The following TLN1 variants were observed in gnomAD, a reference collection of about 807,000 sequenced individuals.
TLN1 encodes talin-1.
Under a neutral mutation model 292.3 loss-of-function variants are expected in TLN1, and 56 were observed. The ratio of observed to expected loss-of-function variants is 0.19; its 90% confidence interval spans 0.15 to 0.24. The LOEUF is 0.24. Ranked by LOEUF, TLN1 falls within the 10% of genes least tolerant of loss-of-function variation. The pLI is 1.00. For missense variants in TLN1, 2,433 were observed against 3,248.2 expected (o/e 0.75, Z 6.10); for synonymous variants, 1,119 against 1,253.7 (o/e 0.89, Z 2.27).
chr9:35,705,689 G>A lies in TLN1; in HGVS notation c.5614-19C>T. ...TGGTAACCTGGTGATAATGGAACGAGTGAAGTTATATCCAAAGTCAGCTCT... is the reference window on the plus strand; with the variant it reads ...TGGTAACCTGGTGATAATGGAACGAATGAAGTTATATCCAAAGTCAGCTCT... On this transcript the variant is annotated intron_variant, in intron 42 of 56. Coordinates refer to ENST00000314888, the MANE Select transcript of TLN1 (RefSeq NM_006289.4). 6.2e-7 allele frequency: 1 copy of A among 1,613,420 alleles called. No homozygotes were observed. Among genetic ancestry groups the A allele is most frequent in the Non-Finnish European group, 8.5e-7 (1 of 1,179,324 alleles).
Position 35,716,563 on chromosome 9 carries a change from G to A in TLN1, c.2459-7C>T. On this transcript the variant is annotated splice_region_variant and splice_polypyrimidine_tract_variant and intron_variant, in intron 19 of 56. Transcript: ENST00000314888. ...GCCTGTCGCACCATCTCCCCTGAGA[G>A]CATAGGGCACAGTCAGGCGAGGAAG... The A allele has an allele frequency of 6.2e-7, 1 of 1,613,168 alleles. No individual in the cohort carries two copies. Among genetic ancestry groups the A allele is most frequent in the Admixed American group, 1.7e-5 (1 of 59,996 alleles).
intron 1 of TLN1, among the ~76,000 whole-genome samples, chr9:35,730,678 G>C (rs991919746): frequency 6.6e-6 from 1 of 152,078 alleles, no homozygotes; most frequent in African/African-American, 2.4e-5. Flanking sequence ...GATGGGAACG[G>C]ATGATAAGAT....
chr9:35,705,073 A>G (rs1441840993), intron 43 of TLN1, among the ~76,000 whole-genome samples: 1 of 152,132 alleles, frequency 6.6e-6, no homozygotes, highest in African/African-American at 2.4e-5. Context: ...GAAGGGGAGG[A>G]GCACTTTATG....
chr9:35,699,200 G>A lies in TLN1; in HGVS notation c.6875-44C>T, dbSNP rs1446482606. The stretch of plus-strand genomic sequence containing the variant: ...AGGAAAGAGGCTAAGGCAGAGTGGG[G>A]AGGTCAAAAGCACCAGGGAGCATGG... On this transcript the variant is annotated intron_variant, in intron 51 of 56. Transcript: ENST00000314888. The surrounding 1 kb of genome is among the most constrained non-coding windows in gnomAD (Gnocchi z 4.0). 1.3e-6 allele frequency: 2 copies of A among 1,584,090 alleles called. No homozygotes were observed. Among genetic ancestry groups the A allele is most frequent in the South Asian group, 2.3e-5 (2 of 88,560 alleles).
At position 35,697,641 on chromosome 9, in the gene TLN1, T is replaced by G; in HGVS notation, c.*150A>C. 8.5e-7 allele frequency: 1 copy of G among 1,178,254 alleles called. No homozygotes were observed. Among genetic ancestry groups the G allele is most frequent in the Non-Finnish European group, 1.2e-6 (1 of 844,528 alleles). 73.0% of individuals were successfully genotyped at this position (1,178,254 alleles called of 1,614,324 possible). On this transcript the variant is annotated 3_prime_UTR_variant, in exon 57 of 57. Transcript: ENST00000314888. ...GTTGGGGAGGGGACAGGGGATGTAC[T>G]GCGGGACTGGGCGGGGCCAGGCCCT...
At chr9:35,705,118 A>ATG (rs1825542486) in intron 43 of TLN1, among the ~76,000 whole-genome samples, 1 of 152,168 alleles carries the variant, frequency 6.6e-6, no homozygotes, top group African/African-American at 2.4e-5. Context: ...GTGGATTACC[A>ATG]TGTGGCCTGT....
chr9:35,726,324 G>T (rs946483499), intron 1 of TLN1, among the ~76,000 whole-genome samples: 6 of 152,170 alleles, frequency 3.9e-5, no homozygotes, highest in Non-Finnish European at 5.9e-5. Flanking sequence ...ACTGGAATTT[G>T]TACCTCCCTA....
At position 35,720,830 on chromosome 9, in the gene TLN1, G is replaced by C. The variant is rs150744632; in HGVS notation, c.1188C>G (p.Ile396Met). ...TGCTCACCTTCTTCAGGATGATATC[G>C]ATGTAGCCGGCAATGAGCTGTGCAA... is the stretch of plus-strand genomic sequence containing the variant. ...EQIAQLIAGYIDIILKKKKSK... is the reference protein window; with the variant it reads ...EQIAQLIAGYMDIILKKKKSK... Residue 396 changes from isoleucine to methionine, a missense_variant, in exon 11 of 57, where the codon ATC becomes ATG. By Grantham distance (10) the Ile-to-Met change is conservative. Coordinates refer to ENST00000314888, the MANE Select transcript of TLN1 (RefSeq NM_006289.4). 1 of 1,614,032 alleles carries C rather than the reference G, an allele frequency of 6.2e-7. No individual in the cohort carries two copies.
chr9:35,721,418 A>G (rs761047688), intron 10 of TLN1, among the ~76,000 whole-genome samples: 1 of 152,226 alleles, frequency 6.6e-6, no homozygotes, highest in Non-Finnish European at 1.5e-5. Flanking sequence ...AATTCCTGTG[A>G]TCTCAGCTTG....
rs774678298 is a variant in TLN1 at position 35,717,572 on chromosome 9, G to C, written c.2163+47C>G. 1.3e-6 allele frequency: 2 copies of C among 1,589,734 alleles called. No homozygotes were observed. The highest frequency in any genetic ancestry group is 2.2e-5 in the South Asian group (2 of 89,274). On this transcript the variant is annotated intron_variant, in intron 18 of 56. Coordinates refer to ENST00000314888, the MANE Select transcript of TLN1 (RefSeq NM_006289.4). This position sits in a 1 kb window ranked among gnomAD's most constrained non-coding sequence, Gnocchi z 4.7. ...TAAAATGAAAGGCTCACGTGTGTGTGGTAGTATTACCCCTCAGCACGGACT... is the reference window on the plus strand; with the variant it reads ...TAAAATGAAAGGCTCACGTGTGTGTCGTAGTATTACCCCTCAGCACGGACT...
At chr9:35,709,748 A>G (rs1284641084) in intron 33 of TLN1, among the ~76,000 whole-genome samples, 3 of 149,810 alleles carry the variant, frequency 2.0e-5, no homozygotes, top group African/African-American at 7.4e-5. Flanking sequence ...TTAGCCGGGC[A>G]TGGTGGCGCG....
chr9:35,724,637 T>C lies in TLN1; in HGVS notation c.446A>G (p.Lys149Arg), dbSNP rs1465494218. Residue 149 changes from lysine (K) to arginine (R), a missense_variant, in exon 5 of 57, where the codon AAG becomes AGG. By Grantham distance (26) the Lys-to-Arg change is conservative. Coordinates refer to ENST00000314888, the MANE Select transcript of TLN1 (RefSeq NM_006289.4). This position sits in a 1 kb window ranked among gnomAD's most constrained non-coding sequence, Gnocchi z 4.7. ...EEITGTLRKD[K>R]TLLRDEKKME... ...CTTCTTTTCATCTCGCAGCAATGTC[T>C]TGTCCTTTCTTAAGGTCCCTGTTAT... is the stretch of plus-strand genomic sequence containing the variant. 1 of 1,614,258 alleles carries C rather than the reference T, an allele frequency of 6.2e-7. No homozygotes were observed. Among genetic ancestry groups the C allele is most frequent in the Admixed American group, 1.7e-5 (1 of 60,028 alleles).
chr9:35,721,554 C>T (rs1315035995), intron 10 of TLN1, 94 bp downstream of exon 10: 1 of 1,402,088 alleles, frequency 7.1e-7, no homozygotes, highest in Non-Finnish European at 9.7e-7. Flanking sequence ...GAGTAATACT[C>T]AGTATACTTA....
chr9:35,707,952 A>G lies in TLN1; in HGVS notation c.4471-60T>C. Reference sequence around the variant, plus strand: ...AGGAAGGAGGTGTACATACCCAAGGAGGAGCCATTTTAGGGTCAGGGGATG... The same window carrying G: ...AGGAAGGAGGTGTACATACCCAAGGGGGAGCCATTTTAGGGTCAGGGGATG... On this transcript the variant is annotated intron_variant, in intron 34 of 56. Coordinates refer to ENST00000314888, the MANE Select transcript of TLN1 (RefSeq NM_006289.4). This position sits in a 1 kb window ranked among gnomAD's most constrained non-coding sequence, Gnocchi z 5.6. 1 of 1,584,680 alleles carries G rather than the reference A, an allele frequency of 6.3e-7. No individual in the cohort carries two copies. The highest frequency in any genetic ancestry group is 8.6e-7 in the Non-Finnish European group (1 of 1,159,756).
chr9:35,725,533 C>T (rs375205646), intron 2 of TLN1, 32 bp downstream of exon 2: 3 of 1,607,016 alleles, frequency 1.9e-6, no homozygotes, highest in Admixed American at 1.7e-5. Context: ...ACTGAAGACT[C>T]CCACTCCAGC....
At position 35,717,171 on chromosome 9, in the gene TLN1, G is replaced by A. The variant is rs772093750; in HGVS notation, c.2433C>T (p.Asn811=). 8 of 1,605,312 alleles carry A rather than the reference G, an allele frequency of 5.0e-6. No homozygotes were observed. The highest frequency in any genetic ancestry group is 2.2e-5 in the East Asian group (1 of 44,598). The change falls in exon 19 of 57, where the codon AAC becomes AAT. Residue 811 remains asparagine, a synonymous_variant. Transcript: ENST00000314888. The surrounding 1 kb of genome is among the most constrained non-coding windows in gnomAD (Gnocchi z 4.7). ...ATDTILTVTE[N]IFSSMGDAGE... ...CAGCATCACCCATGGAGCTAAAGAT[G>A]TTCTCAGTGACGGTTAGGATGGTGT...
In TLN1 at chr9:35,705,633, G is replaced by C; in HGVS notation, c.5651C>G (p.Pro1884Arg). The C allele has an allele frequency of 6.2e-7, 1 of 1,608,620 alleles. No individual in the cohort carries two copies. The highest frequency in any genetic ancestry group is 1.1e-5 in the South Asian group (1 of 90,962). ...GTCACTGGTCAGCTGGTTAGCAAGA[G>C]GGCCCAGCTCCTCTGGGCTGGTGTT... ...KSNTSPEELG[P>R]LANQLTSDYG... Residue 1884 changes from proline to arginine, a missense_variant, in exon 43 of 57, where the codon CCT becomes CGT. Around this residue, in one of 7 missense-constraint regions of TLN1, gnomAD observed 1,384 missense variants for 1,699.6 expected, o/e 0.81. Coordinates refer to ENST00000314888, the MANE Select transcript of TLN1 (RefSeq NM_006289.4).
rs764608419 is a variant in TLN1 at position 35,704,110 on chromosome 9, C to T, written c.6112G>A (p.Ala2038Thr). The change falls in exon 46 of 57, where the codon GCT becomes ACT. Residue 2038 changes from alanine (A) to threonine (T), a missense_variant. Transcript: ENST00000314888. The surrounding 1 kb of genome is among the most constrained non-coding windows in gnomAD (Gnocchi z 6.9). Reference sequence around the variant, plus strand: ...TGCGCCAACTTCTCCTGGCTCCCAGCTGCGTTTTGCACCAGGACCTTGGTG... The same window carrying T: ...TGCGCCAACTTCTCCTGGCTCCCAGTTGCGTTTTGCACCAGGACCTTGGTG... The part of the protein sequence containing the change: ...EDTKVLVQNA[A>T]GSQEKLAQAA... 1 of 1,613,504 alleles carries T rather than the reference C, an allele frequency of 6.2e-7. No individual in the cohort carries two copies. Among genetic ancestry groups the T allele is most frequent in the East Asian group, 2.2e-5 (1 of 44,862 alleles).
rs1825838702 is a variant in TLN1, at chr9:35,719,128, G to A, written c.1842C>T (p.Gly614=). 1 of 1,614,098 alleles carries A rather than the reference G, an allele frequency of 6.2e-7. No individual in the cohort carries two copies. The highest frequency in any genetic ancestry group is 1.3e-5 in the African/African-American group (1 of 75,058). ...SGRPLLQAAK[G]LAGAVSELLR... is the part of the protein sequence containing the mutation. ...GCAGTTCTGACACTGCTCCCGCAAG[G>A]CCCTTTGCTGCCTGCAACAGGGGCC... is the stretch of plus-strand genomic sequence containing the variant. The change falls in exon 16 of 57, where the codon GGC becomes GGT. Residue 614 remains glycine (G), a synonymous_variant. Coordinates refer to ENST00000314888, the MANE Select transcript of TLN1 (RefSeq NM_006289.4). This position sits in a 1 kb window ranked among gnomAD's most constrained non-coding sequence, Gnocchi z 4.6.
Sources: gnomAD v4.1 joint callset for allele counts (sites outside exome capture counted in the v4.1 genomes callset) on GRCh38, gnomAD v4.1.1 for gene constraint, gnomAD v4.1.1 regional missense constraint, Gnocchi (gnomAD v3.1) non-coding constraint, MANE v1.5 for transcripts, NCBI Gene and HGNC (gene_info 2026-07-23, HGNC 2026-07-21) for gene names.